NRAS: variants seen among roughly 807,000 people sequenced by gnomAD.
NRAS encodes GTPase NRas.
Under a neutral mutation model 21.3 loss-of-function variants are expected in NRAS, and 6 were observed. The ratio of observed to expected loss-of-function variants is 0.28; its 90% CI spans 0.15 to 0.56. NRAS has a LOEUF of 0.56. Ranked by LOEUF, NRAS falls within the 20% of genes least tolerant of loss-of-function variation. The pLI, the probability that NRAS is intolerant of heterozygous loss-of-function variation, is 0.93. For synonymous variants in NRAS, 84 were observed against 82.0 expected (o/e 1.02, Z -0.13); for missense variants, 143 against 231.3 (o/e 0.62, Z 2.48).
At chr1:114,710,587 G>A (rs1301087637) in intron 3 of NRAS, among the ~76,000 whole-genome samples, 4 of 151,904 alleles carry the variant, frequency 2.6e-5, no homozygotes, top group Admixed American at 6.6e-5. Flanking sequence ...AAGAGAGAGC[G>A]AGAGAGAGAC....
At position 114,704,731 on chromosome 1, in the gene NRAS, G is replaced by A. The variant is rs1658865012; in HGVS notation, c.*3363C>T. The A allele has an allele frequency of 6.6e-6, 1 of 152,164 alleles. No homozygotes were observed. Among genetic ancestry groups the A allele is most frequent in the Admixed American group, 6.5e-5 (1 of 15,276 alleles). The allele number at this position is 152,164 out of a possible 1,614,324, so 9.4% of individuals were successfully genotyped here. ...CCACGGACATCCTCCCCTCCCTCCA[G>A]AGCAGAGTTCATACAATTCCATCTT... On this transcript the variant is annotated 3_prime_UTR_variant, in exon 7 of 7. Coordinates refer to ENST00000369535, the MANE Select transcript of NRAS (RefSeq NM_002524.5).
intron 3 of NRAS, among the ~76,000 whole-genome samples, chr1:114,710,722 A>T (rs1163788668): frequency 6.6e-6 from 1 of 152,106 alleles, no homozygotes; most frequent in Non-Finnish European, 1.5e-5. Context: ...TACTAAGGAG[A>T]CTGCTTTAGA....
Position 114,713,998 on chromosome 1 carries a change from G to A in NRAS, c.112-20C>T, listed in dbSNP as rs2101742257. The A allele has an allele frequency of 6.8e-7, 1 of 1,465,334 alleles. No homozygotes were observed. The highest frequency in any genetic ancestry group is 9.5e-7 in the Non-Finnish European group (1 of 1,053,684). 90.8% of individuals were successfully genotyped at this position (1,465,334 alleles called of 1,614,324 possible). On this transcript the variant is annotated intron_variant, in intron 2 of 6. Transcript: ENST00000369535. ...AGAATCCTGGGGGTGTGGAGGGTAA[G>A]GGGGCAGGGAGGGAGGGAAGTTCAA...
rs756947288 is a variant in NRAS at position 114,716,032 on chromosome 1, G to A, written c.111+18C>T. 7.1e-7 allele frequency: 1 copy of A among 1,407,600 alleles called. No homozygotes were observed. The highest frequency in any genetic ancestry group is 1.0e-6 in the Non-Finnish European group (1 of 991,082). 87.2% of individuals were successfully genotyped at this position (1,407,600 alleles called of 1,614,324 possible). A position where few individuals can be genotyped will look rare whatever the true frequency, so the allele number is the denominator to read the frequency against. On this transcript the variant is annotated intron_variant, in intron 2 of 6. Transcript: ENST00000369535. The stretch of plus-strand genomic sequence containing the variant: ...GTGAGAGACAGGATCAGGTCAGCGG[G>A]CTACCACTGGGCCTCACCTCTATGG...
chr1:114,709,794 G>T, intron 3 of NRAS, 66 bp from the exon 4 acceptor site: 2 of 1,334,002 alleles, frequency 1.5e-6, no homozygotes, highest in Non-Finnish European at 2.2e-6. Flanking sequence ...AGTGGCTCAT[G>T]CCTGCAATCT....
chr1:114,713,094 G>A (rs760227581), intron 3 of NRAS, among the ~76,000 whole-genome samples: 1 of 152,086 alleles, frequency 6.6e-6, no homozygotes, highest in Non-Finnish European at 1.5e-5. Context: ...AAACTTTATG[G>A]TTCTATGGAC....
chr1:114,713,161 C>T (rs1659080746), intron 3 of NRAS, among the ~76,000 whole-genome samples: 1 of 151,948 alleles, frequency 6.6e-6, no homozygotes, highest in Non-Finnish European at 1.5e-5. Context: ...TTCCTATTTG[C>T]TTACTCCTAT....
At chr1:114,714,900 C>T (rs6671984) in intron 2 of NRAS, among the ~76,000 whole-genome samples, 116,221 of 152,242 alleles carry the variant, frequency 0.76, 45,942 homozygotes, top group East Asian at 1. Context: ...ATAGTGGCTA[C>T]ATTAGAGTTA....
chr1:114,716,032 G>C lies in NRAS; in HGVS notation c.111+18C>G, dbSNP rs756947288. On this transcript the variant is annotated intron_variant, in intron 2 of 6. Transcript: ENST00000369535. Reference sequence around the variant, plus strand: ...GTGAGAGACAGGATCAGGTCAGCGGGCTACCACTGGGCCTCACCTCTATGG... The same window carrying C: ...GTGAGAGACAGGATCAGGTCAGCGGCCTACCACTGGGCCTCACCTCTATGG... 4.3e-5 allele frequency: 61 copies of C among 1,407,484 alleles called. No homozygotes were observed. The highest frequency in any genetic ancestry group is 5.9e-5 in the Non-Finnish European group (58 of 991,092). 87.2% of individuals were successfully genotyped at this position (1,407,484 alleles called of 1,614,324 possible). A position where few individuals can be genotyped will look rare whatever the true frequency, so the allele number is the denominator to read the frequency against.
At chr1:114,712,183 G>A (rs1659063773) in intron 3 of NRAS, among the ~76,000 whole-genome samples, 1 of 152,102 alleles carries the variant, frequency 6.6e-6, no homozygotes, top group Admixed American at 6.5e-5. Flanking sequence ...TTTCCTTCTA[G>A]TCCGAGCAAC....
At chr1:114,716,470 T>A (rs1395885289) in intron 1 of NRAS, among the ~76,000 whole-genome samples, 188 bp downstream of exon 1, 2 of 151,908 alleles carry the variant, frequency 1.3e-5, no homozygotes, top group African/African-American at 4.8e-5. Context: ...GCAGGAAGCC[T>A]CCAGGCCGCA....
intron 2 of NRAS, among the ~76,000 whole-genome samples, 170 bp downstream of exon 2, chr1:114,715,880 T>A (rs1659152492): frequency 6.6e-6 from 1 of 152,228 alleles, no homozygotes; most frequent in Non-Finnish European, 1.5e-5. Context: ...CAGCAGCTAA[T>A]AAAAATGAAC....
rs1658866484 is a variant in NRAS at position 114,704,805 on chromosome 1, T to C, written c.*3289A>G. The C allele has an allele frequency of 6.6e-6, 1 of 152,210 alleles. No homozygotes were observed. The highest frequency in any genetic ancestry group is 1.5e-5 in the Non-Finnish European group (1 of 68,040). The allele number at this position is 152,210 out of a possible 1,614,324, so 9.4% of individuals were successfully genotyped here. A position where few individuals can be genotyped will look rare whatever the true frequency, so the allele number is the denominator to read the frequency against. Reference sequence around the variant, plus strand: ...AATCATCTTACGTTTTGAAATATAATACAACTACTCTGGTAACAAGAATAC... The same window carrying C: ...AATCATCTTACGTTTTGAAATATAACACAACTACTCTGGTAACAAGAATAC... On this transcript the variant is annotated 3_prime_UTR_variant, in exon 7 of 7. Transcript: ENST00000369535.
At chr1:114,712,119 A>C (rs1659062444) in intron 3 of NRAS, among the ~76,000 whole-genome samples, 1 of 152,198 alleles carries the variant, frequency 6.6e-6, no homozygotes, top group Non-Finnish European at 1.5e-5. Flanking sequence ...TGTCACTGTC[A>C]GGTTACTACT....
At position 114,716,725 on chromosome 1, in the gene NRAS, G is replaced by C. The variant is rs781638723; in HGVS notation, c.-85C>G. On this transcript the variant is annotated 5_prime_UTR_variant, in exon 1 of 7. Transcript: ENST00000369535. The stretch of plus-strand genomic sequence containing the variant: ...AGCCGGGAAAAATGTTGGAGACCCC[G>C]GAACCGCCATGAACAGCCCCCACCA... The C allele has an allele frequency of 6.1e-6, 1 of 165,152 alleles. No individual in the cohort carries two copies. Among genetic ancestry groups the C allele is most frequent in the Non-Finnish European group, 1.3e-5 (1 of 74,104 alleles). 10.2% of individuals were successfully genotyped at this position (165,152 alleles called of 1,614,324 possible). A position where few individuals can be genotyped will look rare whatever the true frequency, so the allele number is the denominator to read the frequency against.
intron 2 of NRAS, among the ~76,000 whole-genome samples, chr1:114,715,508 A>G (rs1659140869): frequency 6.6e-6 from 1 of 152,216 alleles, no homozygotes. Flanking sequence ...GTTTATGGTA[A>G]TTTAAAACAT....
intron 2 of NRAS, among the ~76,000 whole-genome samples, chr1:114,715,217 G>A (rs1659130181): frequency 6.6e-6 from 1 of 152,050 alleles, no homozygotes. Context: ...AGTAGAGACG[G>A]GGTTTCACCA....
rs1392235271 is a variant in NRAS, at chr1:114,707,724, G to C, written c.*370C>G. 1 of 152,584 alleles carries C rather than the reference G, an allele frequency of 6.6e-6. No individual in the cohort carries two copies. Among genetic ancestry groups the C allele is most frequent in the Non-Finnish European group, 1.5e-5 (1 of 68,032 alleles). 9.5% of individuals were successfully genotyped at this position (152,584 alleles called of 1,614,324 possible). A position where few individuals can be genotyped will look rare whatever the true frequency, so the allele number is the denominator to read the frequency against. On this transcript the variant is annotated 3_prime_UTR_variant, in exon 7 of 7. Transcript: ENST00000369535. ...CAGCAGTTGCTACTTTAGAGCTCAA[G>C]ACACTGTTTTCAATAGAATTTCACG...
At chr1:114,710,347 A>T (rs1659019666) in intron 3 of NRAS, among the ~76,000 whole-genome samples, 1 of 144,342 alleles carries the variant, frequency 6.9e-6, no homozygotes, top group African/African-American at 2.5e-5. Flanking sequence ...TAAATAAAAA[A>T]TATATATACA....
Sources: gnomAD v4.1 joint callset for allele counts (sites outside exome capture counted in the v4.1 genomes callset) on GRCh38, gnomAD v4.1.1 for gene constraint, MANE v1.5 for transcripts, NCBI Gene and HGNC (gene_info 2026-07-23, HGNC 2026-07-21) for gene names.